OSBP2: variants seen among roughly 807,000 people sequenced by gnomAD.
OSBP2 encodes the protein oxysterol binding protein 2.
A neutral mutation model predicts 96.0 loss-of-function variants in OSBP2; 66 were observed. That is an observed-to-expected ratio of 0.69 (90% CI 0.56 to 0.84). OSBP2 has a LOEUF of 0.84. OSBP2 is among the 40% of genes least tolerant of loss of function. OSBP2 has a pLI of 0.00. For missense variants in OSBP2, 1,038 were observed against 1,222.7 expected (o/e 0.85, Z 2.25); for synonymous variants, 525 against 520.9 (o/e 1.01, Z -0.11).
chr22:30,867,347 C>T (rs961562821), intron 2 of OSBP2, among the ~76,000 whole-genome samples: 12 of 152,218 alleles, frequency 7.9e-5, no homozygotes, highest in African/African-American at 2.9e-4. Flanking sequence ...CCAACCTACT[C>T]CTCTGTGTCT....
intron 2 of OSBP2, among the ~76,000 whole-genome samples, chr22:30,838,661 A>C (rs572205946): frequency 1.2e-3 from 176 of 151,872 alleles, no homozygotes; most frequent in African/African-American, 4.0e-3. Context: ...TTTCTGAGAG[A>C]TTTTATGACG....
Position 30,890,176 on chromosome 22 carries a change from C to T in OSBP2, c.1623+540C>T, listed in dbSNP as rs191106415. Among the ~76,000 whole-genome samples the T allele has an allele frequency of 1.9e-4, 29 of 152,288 alleles. 2 individuals are homozygous for T. The highest frequency in any genetic ancestry group is 1.3e-3 in the Admixed American group (20 of 15,304). ...ATGTGTAGGGTGGGGAGAAACACAG[C>T]GTCCTCTTCAGTGTCTGGGAGGATG... On this transcript the variant is annotated intron_variant, in intron 7 of 13. Transcript: ENST00000332585. The surrounding 1 kb of genome is among the most constrained non-coding windows in gnomAD (Gnocchi z 4.4).
At position 30,906,084 on chromosome 22, in the gene OSBP2, G is replaced by C; in HGVS notation, c.2608+15G>C. On this transcript the variant is annotated intron_variant, in intron 13 of 13. Coordinates refer to ENST00000332585, the MANE Select transcript of OSBP2 (RefSeq NM_030758.4). Reference sequence around the variant, plus strand: ...CTCGGAGGAAGGTGAGGCCGGGCGGGAAGGGCGCCCCGGAGGGGAGGAAAG... The same window carrying C: ...CTCGGAGGAAGGTGAGGCCGGGCGGCAAGGGCGCCCCGGAGGGGAGGAAAG... 1 of 1,515,580 alleles carries C rather than the reference G, an allele frequency of 6.6e-7. No homozygotes were observed. The highest frequency in any genetic ancestry group is 1.2e-5 in the South Asian group (1 of 86,564). The allele number at this position is 1,515,580 out of a possible 1,614,324, so 93.9% of individuals were successfully genotyped here.
intron 1 of OSBP2, among the ~76,000 whole-genome samples, chr22:30,721,655 G>A (rs902579883): frequency 3.3e-5 from 5 of 152,144 alleles, no homozygotes; most frequent in African/African-American, 1.2e-4. Flanking sequence ...TATTGTTTGT[G>A]TCAGTGTCTA....
intron 2 of OSBP2, among the ~76,000 whole-genome samples, chr22:30,822,243 C>T (rs549299033): frequency 3.3e-4 from 50 of 152,346 alleles, no homozygotes; most frequent in African/African-American, 1.2e-3. Context: ...AAAGCAACGC[C>T]GAGCTTGTTG....
At chr22:30,811,164 A>AC (rs136249) in intron 2 of OSBP2, among the ~76,000 whole-genome samples, 24,380 of 135,372 alleles carry the variant, frequency 0.18, 2,327 homozygotes, top group East Asian at 0.33. Flanking sequence ...AGTATACACA[A>AC]CCCCCCCCCC....
rs1017208851 is a variant in OSBP2, at chr22:30,881,797, C to A, written c.1108-5629C>A. On this transcript the variant is annotated intron_variant, in intron 3 of 13. Transcript: ENST00000332585. The surrounding 1 kb of genome is among the most constrained non-coding windows in gnomAD (Gnocchi z 4.5). ...GGAGACCCTGGGAGTCAGGGATGGACACCAGGTGGGTGCATCCGGGCTGGG... is the reference window on the plus strand; with the variant it reads ...GGAGACCCTGGGAGTCAGGGATGGAAACCAGGTGGGTGCATCCGGGCTGGG... 3.1e-6 allele frequency: 4 copies of A among 1,304,042 alleles called. No individual in the cohort carries two copies. The Admixed American group carries it at 6.9e-5, about 22-fold the overall frequency. 80.8% of individuals were successfully genotyped at this position (1,304,042 alleles called of 1,614,324 possible).
intron 7 of OSBP2, 118 bp downstream of exon 7, chr22:30,889,754 G>A (rs1055414707): frequency 1.0e-5 from 9 of 883,992 alleles, no homozygotes; most frequent in South Asian, 3.0e-5. Context: ...TTTTCTTAAC[G>A]GCACCTGAGG....
chr22:30,707,206 T>C (rs938911146), intron 1 of OSBP2, among the ~76,000 whole-genome samples: 2 of 152,032 alleles, frequency 1.3e-5, no homozygotes, highest in African/African-American at 4.8e-5. Context: ...AAGCAATTCT[T>C]CTGCCTCAGC....
At position 30,847,438 on chromosome 22, in the gene OSBP2, C is replaced by T. The variant is rs558598004; in HGVS notation, c.854-22991C>T. On this transcript the variant is annotated intron_variant, in intron 2 of 13. Coordinates refer to ENST00000332585, the MANE Select transcript of OSBP2 (RefSeq NM_030758.4). ...CTGGGACTACAGGTGCCCACCACCA[C>T]GCCTGGCTAATTTTTGTATTTTTTG... 2.1e-4 allele frequency among the ~76,000 whole-genome samples: 32 copies of T among 151,860 alleles called. No individual in the cohort carries two copies. In the South Asian group the frequency reaches 4.6e-3, roughly 22 times the overall value.
At chr22:30,810,493 G>A (rs998838647) in intron 2 of OSBP2, among the ~76,000 whole-genome samples, 8 of 152,148 alleles carry the variant, frequency 5.3e-5, no homozygotes, top group East Asian at 3.8e-4. Flanking sequence ...CTGGACAACC[G>A]CACAGGTAGC....
chr22:30,716,101 G>A (rs1437916342), intron 1 of OSBP2, among the ~76,000 whole-genome samples: 1 of 150,922 alleles, frequency 6.6e-6, no homozygotes, highest in African/African-American at 2.4e-5. Context: ...GAGTGCAATG[G>A]CATGGTCTCG....
At chr22:30,696,286 T>C (rs1444268545) in intron 1 of OSBP2, among the ~76,000 whole-genome samples, 2 of 152,210 alleles carry the variant, frequency 1.3e-5, no homozygotes, top group African/African-American at 4.8e-5. Context: ...TCTTACTGGC[T>C]CTTCCCTGGG....
At chr22:30,709,665 G>A (rs2089313218) in intron 1 of OSBP2, among the ~76,000 whole-genome samples, 1 of 151,686 alleles carries the variant, frequency 6.6e-6, no homozygotes. Flanking sequence ...ACAGGCATGA[G>A]CCACCGCACC....
chr22:30,778,849 A>C (rs2145803554), intron 2 of OSBP2, among the ~76,000 whole-genome samples: 1 of 151,952 alleles, frequency 6.6e-6, no homozygotes, highest in Non-Finnish European at 1.5e-5. Context: ...CAGCCTGGCC[A>C]ACAAGGTAAA....
chr22:30,788,883 T>C (rs2145821812), intron 2 of OSBP2, among the ~76,000 whole-genome samples: 2 of 152,160 alleles, frequency 1.3e-5, no homozygotes, highest in African/African-American at 4.8e-5. Context: ...CGGCTAATTT[T>C]TGTGTTTTTA....
intron 2 of OSBP2, among the ~76,000 whole-genome samples, chr22:30,772,385 C>A (rs2090359364): frequency 6.6e-6 from 1 of 152,178 alleles, no homozygotes. Flanking sequence ...TCGTGGAAGA[C>A]CTGCAGCCAC....
At chr22:30,765,193 C>G (rs560899516) in intron 2 of OSBP2, among the ~76,000 whole-genome samples, 3 of 151,898 alleles carry the variant, frequency 2.0e-5, no homozygotes, top group Non-Finnish European at 4.4e-5. Context: ...CGGCCCTCCC[C>G]CATTTTTATT....
Position 30,787,589 on chromosome 22 carries a change from C to A in OSBP2, c.853+46220C>A, listed in dbSNP as rs188335926. ...TCGGGAGGCTGAAGCATGAGAATCA[C>A]TTGAACCCGGGAGGTGGAGGTTTTG... is the stretch of plus-strand genomic sequence containing the variant. On this transcript the variant is annotated intron_variant, in intron 2 of 13. Transcript: ENST00000332585. Among the ~76,000 whole-genome samples the A allele has an allele frequency of 2.2e-4, 34 of 152,306 alleles. No homozygotes were observed. The East Asian group carries it at 5.0e-3, about 22-fold the overall frequency.
Sources: gnomAD v4.1 joint callset for allele counts (sites outside exome capture counted in the v4.1 genomes callset) on GRCh38, gnomAD v4.1.1 for gene constraint, Gnocchi (gnomAD v3.1) non-coding constraint, MANE v1.5 for transcripts, NCBI Gene and HGNC (gene_info 2026-07-23, HGNC 2026-07-21) for gene names.